The following FABP7 variants were observed in gnomAD, a reference collection of about 807,000 sequenced individuals.
FABP7 encodes fatty acid-binding protein, brain.
In FABP7, 13 loss-of-function variants were observed where a neutral mutation model predicts 14.2. That is an observed-to-expected ratio of 0.91 (90% CI 0.59 to 1.45). The LOEUF is 1.45. FABP7 is among the 40% of genes most tolerant of loss of function. The pLI is 0.00. For missense variants in FABP7, 149 were observed against 157.6 expected (o/e 0.95, Z 0.29); for synonymous variants, 49 against 51.4 (o/e 0.95, Z 0.20).
chr6:122,775,828 AAAACAAAC>A (rs139337062), upstream of FABP7, among the ~76,000 whole-genome samples: 283 of 151,982 alleles, frequency 1.9e-3, 1 homozygote, highest in African/African-American at 6.2e-3. Context: ...TGAATAGCAA[AAAACAAAC>A]AAACAAACAA....
At chr6:122,753,707 T>C in the FABP7 span, among the ~76,000 whole-genome samples, 14 of 150,400 alleles carry the variant, frequency 9.3e-5, no homozygotes, top group African/African-American at 3.4e-4. Context: ...AAAATGAAAG[T>C]ACACTCCACA....
chr6:122,781,636 T>C, intron 3 of FABP7: 1 of 1,073,046 alleles, frequency 9.3e-7, no homozygotes, highest in Non-Finnish European at 1.1e-6. Context: ...AGTTTATATT[T>C]TAATTTATAA....
intron 2 of FABP7, 175 bp downstream of exon 2, chr6:122,780,638 G>T: frequency 1.5e-6 from 1 of 666,622 alleles, no homozygotes; most frequent in Non-Finnish European, 2.5e-6. Flanking sequence ...TTGAACAATG[G>T]GTACTTGCTA....
At chr6:122,782,003 C>G (rs567480807) in intron 3 of FABP7, 1 of 925,178 alleles carries the variant, frequency 1.1e-6, no homozygotes, top group Non-Finnish European at 1.3e-6. Flanking sequence ...CCTGCTGCCT[C>G]GGCCTCCCAG....
At chr6:122,778,543 G>A (rs536616684), upstream of FABP7, among the ~76,000 whole-genome samples, 2 of 152,282 alleles carry the variant, frequency 1.3e-5, no homozygotes, top group African/African-American at 4.8e-5. Flanking sequence ...ATATCAAGTC[G>A]GATTCTCCTG....
the FABP7 span, among the ~76,000 whole-genome samples, chr6:122,758,271 T>C: frequency 1.1e-4 from 16 of 152,130 alleles, no homozygotes; most frequent in African/African-American, 3.9e-4. Context: ...CCACATCTGG[T>C]TAATTTTTGT....
At chr6:122,774,597 A>G in the FABP7 span, among the ~76,000 whole-genome samples, 1 of 152,126 alleles carries the variant, frequency 6.6e-6, no homozygotes, top group Admixed American at 6.6e-5. Flanking sequence ...ATGTCAGTAT[A>G]TGGAGTTATA....
chr6:122,749,402 A>G, the FABP7 span, among the ~76,000 whole-genome samples: 1 of 152,216 alleles, frequency 6.6e-6, no homozygotes, highest in Non-Finnish European at 1.5e-5. Flanking sequence ...TAAAGAACAC[A>G]TGACCATAAT....
At chr6:122,776,779 T>C (rs1582516334), upstream of FABP7, among the ~76,000 whole-genome samples, 4 of 152,226 alleles carry the variant, frequency 2.6e-5, no homozygotes, top group South Asian at 8.3e-4. Context: ...CGTATGTACC[T>C]GATAAATATG....
At chr6:122,777,631 T>G (rs961970926), upstream of FABP7, among the ~76,000 whole-genome samples, 1 of 152,082 alleles carries the variant, frequency 6.6e-6, no homozygotes, top group Non-Finnish European at 1.5e-5. Context: ...ATCCTTTTGT[T>G]AATATAAAAC....
At chr6:122,781,314 T>A in intron 3 of FABP7, 120 bp downstream of exon 3, 6 of 1,550,020 alleles carry the variant, frequency 3.9e-6, no homozygotes, top group Non-Finnish European at 4.4e-6. Context: ...TCTTTAATAA[T>A]ACATCACTGG....
rs1021326333 is a variant in FABP7 at position 122,783,067 on chromosome 6, C to G, written c.349-650C>G. On this transcript the variant is annotated intron_variant, in intron 3 of 3. Transcript: ENST00000368444. ...TATACTATACTCCTGAACATCACAT[C>G]AATACATGAAAACCATGAGCACCAA... The G allele has an allele frequency of 1.7e-5, 17 of 985,232 alleles. No homozygotes were observed. The African/African-American group carries it at 3.0e-4, about 17-fold the overall frequency. The allele number at this position is 985,232 out of a possible 1,614,324, so 61.0% of individuals were successfully genotyped here.
At chr6:122,767,120 TA>T in the FABP7 span, among the ~76,000 whole-genome samples, 1 of 152,066 alleles carries the variant, frequency 6.6e-6, no homozygotes, top group East Asian at 1.9e-4. Flanking sequence ...ACTACATATG[TA>T]AAAAAGTATA....
At chr6:122,780,547 G>T in intron 2 of FABP7, 84 bp downstream of exon 2, 1 of 1,361,508 alleles carries the variant, frequency 7.3e-7, no homozygotes, top group South Asian at 1.3e-5. Flanking sequence ...TTTTTAAGAT[G>T]TTGGAAAGTG....
the FABP7 span, among the ~76,000 whole-genome samples, chr6:122,752,803 T>C: frequency 6.6e-6 from 1 of 152,140 alleles, no homozygotes; most frequent in African/African-American, 2.4e-5. Flanking sequence ...ATTTTAGCCA[T>C]CTCTACCCCC....
chr6:122,775,712 A>AC (rs59651634), upstream of FABP7, among the ~76,000 whole-genome samples: 1 of 149,204 alleles, frequency 6.7e-6, no homozygotes, highest in Non-Finnish European at 1.5e-5. Context: ...AACAAAAAAA[A>AC]CAAACAAAAA....
chr6:122,764,881 A>G, the FABP7 span, among the ~76,000 whole-genome samples: 368 of 152,284 alleles, frequency 2.4e-3, no homozygotes, highest in African/African-American at 8.6e-3. Flanking sequence ...CAAACAGCAG[A>G]CTCAAGCAAC....
At chr6:122,775,548 C>G (rs1255095530), upstream of FABP7, among the ~76,000 whole-genome samples, 1 of 152,016 alleles carries the variant, frequency 6.6e-6, no homozygotes, top group Non-Finnish European at 1.5e-5. Context: ...AGACCTGAAA[C>G]TATGAAACTA....
chr6:122,755,751 G>C, the FABP7 span, among the ~76,000 whole-genome samples: 1 of 151,936 alleles, frequency 6.6e-6, no homozygotes, highest in Non-Finnish European at 1.5e-5. Flanking sequence ...GCCACCGCGC[G>C]TGGCCTCCTC....
Sources: allele counts gnomAD v4.1 joint callset (sites outside exome capture counted in the v4.1 genomes callset), GRCh38; gene constraint gnomAD v4.1.1; transcripts MANE v1.5; gene names NCBI Gene and HGNC (gene_info 2026-07-23, HGNC 2026-07-21).